REG1B: variants seen among roughly 807,000 people sequenced by gnomAD.
The protein encoded by REG1B is lithostathine-1-beta.
REG1B carries 21 observed loss-of-function variants against 20.4 expected under a neutral mutation model. That is an observed-to-expected ratio of 1.03 (90% CI 0.73 to 1.48). The LOEUF is 1.48. Among genes scored for constraint, REG1B ranks in the 40% most tolerant of loss-of-function variants. REG1B has a pLI of 0.00. For synonymous variants in REG1B, 82 were observed against 73.4 expected (o/e 1.12, Z -0.60); for missense variants, 247 against 197.2 (o/e 1.25, Z -1.51).
At chr2:79,087,030 A>G (rs995402757) in intron 2 of REG1B, 100 bp from the exon 3 acceptor site, 44 of 921,762 alleles carry the variant, frequency 4.8e-5, no homozygotes, top group Admixed American at 7.3e-5. Context: ...ATAAGAACAT[A>G]TGGATACAGT....
intron 4 of REG1B, chr2:79,085,851 C>T (rs764006042): frequency 4.0e-5 from 14 of 353,496 alleles, no homozygotes; most frequent in Admixed American, 1.8e-4. Flanking sequence ...CATAAAAGCC[C>T]ATTAAAGAGA....
intron 3 of REG1B, 64 bp from the exon 4 acceptor site, chr2:79,086,568 T>C (rs1215162879): frequency 6.3e-7 from 1 of 1,585,608 alleles, no homozygotes; most frequent in Non-Finnish European, 8.6e-7. Flanking sequence ...ACTGAGACCT[T>C]CCAGAGGATG....
rs1456205937 is a variant in REG1B at position 79,087,554 on chromosome 2, C to G, written c.59G>C (p.Ser20Thr). 3 of 1,613,596 alleles carry G rather than the reference C, an allele frequency of 1.9e-6. No homozygotes were observed. Among genetic ancestry groups the G allele is most frequent in the Non-Finnish European group, 2.5e-6 (3 of 1,179,852 alleles). The change falls in exon 2 of 6, where the codon AGC (serine) becomes ACC (threonine). Residue 20 changes from serine to threonine, a missense_variant. Ser to Thr is a moderately conservative substitution (Grantham distance 58). Transcript: ENST00000305089. ...LISSLMFLSL[S>T]QGQESQTELP... ...AGTGTGGGGGAAAATCTCACCTTGG[C>G]TCAGAGACAGGAACATCAGGGAGGA...
At position 79,085,233 on chromosome 2, in the gene REG1B, A is replaced by C. The variant is rs1672379621; in HGVS notation, c.484T>G (p.Cys162Gly). 2 of 1,613,392 alleles carry C rather than the reference A, an allele frequency of 1.2e-6. No individual in the cohort carries two copies. Among genetic ancestry groups the C allele is most frequent in the Admixed American group, 1.7e-5 (1 of 59,998 alleles). Residue 162 changes from cysteine (C) to glycine (G), a missense_variant, in exon 6 of 6, where the codon TGC (cysteine) becomes GGC (glycine). Physicochemically the swap from Cys to Gly is radical, Grantham distance 159. Coordinates refer to ENST00000305089, the MANE Select transcript of REG1B (RefSeq NM_006507.4). ...ESCEKKFSFV[C>G]KFKN ...AGCTTCCTCTAGTTTTTGAACTTGC[A>C]AACAAAGGAGAACTTCTTCTCACAA...
intron 2 of REG1B, 108 bp downstream of exon 2, chr2:79,087,441 A>C: frequency 8.9e-7 from 1 of 1,121,310 alleles, no homozygotes; most frequent in South Asian, 1.5e-5. Context: ...TGAACAACAT[A>C]AAAAAACCCT....
At position 79,087,546 on chromosome 2, in the gene REG1B, C is replaced by T. The variant is rs1013518297; in HGVS notation, c.64+3G>A. ...TTGTGGGAAGTGTGGGGGAAAATCTCACCTTGGCTCAGAGACAGGAACATC... is the reference window on the plus strand; with the variant it reads ...TTGTGGGAAGTGTGGGGGAAAATCTTACCTTGGCTCAGAGACAGGAACATC... On this transcript the variant is annotated splice_donor_region_variant and intron_variant, in intron 2 of 5. Coordinates refer to ENST00000305089, the MANE Select transcript of REG1B (RefSeq NM_006507.4). 1.9e-6 allele frequency: 3 copies of T among 1,613,650 alleles called. No individual in the cohort carries two copies. The highest frequency in any genetic ancestry group is 2.5e-6 in the Non-Finnish European group (3 of 1,179,770).
intron 5 of REG1B, 46 bp from the exon 6 acceptor site, chr2:79,085,329 G>T: frequency 6.8e-7 from 1 of 1,476,582 alleles, no homozygotes; most frequent in Non-Finnish European, 9.5e-7. Flanking sequence ...CAGAAGGAGT[G>T]TAGCCCCTCC....
chr2:79,085,962 C>G (rs1672393488), intron 4 of REG1B: 1 of 257,952 alleles, frequency 3.9e-6, no homozygotes, highest in African/African-American at 2.2e-5. Flanking sequence ...TAGTGTTAAA[C>G]TAAATAATAT....
intron 2 of REG1B, chr2:79,087,242 G>T: frequency 1.9e-6 from 1 of 531,098 alleles, no homozygotes; most frequent in Non-Finnish European, 3.3e-6. Flanking sequence ...CCCTGCACAC[G>T]TTTGCCTTAG....
In REG1B at chr2:79,087,565, G is replaced by A. The variant is rs777317300; in HGVS notation, c.48C>T (p.Phe16=). 4 of 1,613,822 alleles carry A rather than the reference G, an allele frequency of 2.5e-6. No individual in the cohort carries two copies. In the South Asian group the frequency reaches 4.4e-5, roughly 18 times the overall value. The part of the protein sequence containing the change: ...SFFMLISSLM[F]LSLSQGQESQ... ...AAATCTCACCTTGGCTCAGAGACAG[G>A]AACATCAGGGAGGAGATCAGCATGA... The change falls in exon 2 of 6, where the codon TTC becomes TTT. Residue 16 remains phenylalanine (F), a synonymous_variant. Transcript: ENST00000305089.
intron 4 of REG1B, 168 bp downstream of exon 4, chr2:79,086,199 A>C (rs1215041479): frequency 1.5e-6 from 1 of 685,732 alleles, no homozygotes; most frequent in Non-Finnish European, 2.4e-6. Flanking sequence ...CATGTCTCTA[A>C]CTACCTACAC....
At chr2:79,086,005 A>G (rs1251262956) in intron 4 of REG1B, 5 of 295,524 alleles carry the variant, frequency 1.7e-5, no homozygotes, top group Non-Finnish European at 3.2e-5. Context: ...TATAAAATGT[A>G]TAACAAATGC....
At chr2:79,085,642 C>A in intron 4 of REG1B, 39 bp from the exon 5 acceptor site, 2 of 1,366,560 alleles carry the variant, frequency 1.5e-6, no homozygotes, top group Non-Finnish European at 2.1e-6. Flanking sequence ...CATGGTCACT[C>A]AAAAATCAAT....
intron 2 of REG1B, 83 bp downstream of exon 2, chr2:79,087,466 T>G: frequency 7.0e-7 from 1 of 1,423,932 alleles, no homozygotes; most frequent in Admixed American, 2.0e-5. Flanking sequence ...TTGACTCTGC[T>G]TTTTTTCAAG....
intron 4 of REG1B, 157 bp from the exon 5 acceptor site, chr2:79,085,760 A>G (rs1285252942): frequency 6.1e-6 from 3 of 493,552 alleles, no homozygotes; most frequent in Admixed American, 7.5e-5. Context: ...CTTTTGCTCT[A>G]AGCTTCTCCT....
In REG1B at chr2:79,086,803, C is replaced by G. The variant is rs112754434; in HGVS notation, c.183+9G>C. 190 of 1,611,204 alleles carry G rather than the reference C, an allele frequency of 1.2e-4. No homozygotes were observed. Among genetic ancestry groups the G allele is most frequent in the Non-Finnish European group, 1.6e-4 (185 of 1,177,468 alleles). On this transcript the variant is annotated intron_variant, in intron 3 of 5. Coordinates refer to ENST00000305089, the MANE Select transcript of REG1B (RefSeq NM_006507.4). ...AAGCCTCCCTTCCCCTGCTGCTCTC[C>G]TCACTCACATCTGCATCAACCCAGG... is the stretch of plus-strand genomic sequence containing the variant.
intron 1 of REG1B, 43 bp from the exon 2 acceptor site, chr2:79,087,701 A>G (rs1427969038): frequency 7.9e-7 from 1 of 1,271,256 alleles, no homozygotes; most frequent in Non-Finnish European, 1.1e-6. Context: ...AAGAGAGCAG[A>G]GCACCTGTTA....
At chr2:79,086,276 A>G (rs768044753) in intron 4 of REG1B, 91 bp downstream of exon 4, 2 of 1,362,086 alleles carry the variant, frequency 1.5e-6, no homozygotes, top group Non-Finnish European at 1.0e-6. Context: ...AAACAAAAAG[A>G]TAAAAGTTGG....
chr2:79,085,375 T>A, intron 5 of REG1B, 92 bp from the exon 6 acceptor site: 1 of 1,329,360 alleles, frequency 7.5e-7, no homozygotes, highest in Non-Finnish European at 1.1e-6. Context: ...CTAGAGGAAA[T>A]ACTTCTTTAT....
Sources: allele counts gnomAD v4.1 joint callset, GRCh38; gene constraint gnomAD v4.1.1; transcripts MANE v1.5; gene names NCBI Gene and HGNC (gene_info 2026-07-23, HGNC 2026-07-21).